The following STK39 variants were observed in gnomAD, a reference collection of about 807,000 sequenced individuals.
STK39 encodes the protein STE20/SPS1-related proline-alanine-rich protein kinase.
A neutral mutation model predicts 77.8 loss-of-function variants in STK39; 20 were observed. The ratio of observed to expected loss-of-function variants is 0.26; its 90% CI spans 0.18 to 0.37. The LOEUF (loss-of-function observed/expected upper bound fraction) is 0.37, where lower values mean the gene tolerates loss of function less well. Ranked by LOEUF, STK39 falls within the 10% of genes least tolerant of loss-of-function variation. STK39 has a pLI of 1.00. For missense variants in STK39, 479 were observed against 656.5 expected, an observed-to-expected ratio of 0.73 and a Z score of 2.95; for synonymous variants, 246 against 234.1, an observed-to-expected ratio of 1.05 and a Z score of -0.47.
intron 10 of STK39, among the ~76,000 whole-genome samples, chr2:168,094,058 G>A (rs1388478372): frequency 6.6e-6 from 1 of 152,178 alleles, no homozygotes; most frequent in African/African-American, 2.4e-5. Context: ...GACAACTATA[G>A]GACCAAGTCC....
chr2:168,115,344 G>C (rs190132894), intron 10 of STK39, among the ~76,000 whole-genome samples: 1 of 152,340 alleles, frequency 6.6e-6, no homozygotes, highest in East Asian at 1.9e-4. Context: ...TGATGGACCT[G>C]AGACTCAGGC....
chr2:167,975,731 G>A (rs1050356504), intron 16 of STK39, among the ~76,000 whole-genome samples: 2 of 152,158 alleles, frequency 1.3e-5, no homozygotes, highest in Non-Finnish European at 2.9e-5. Context: ...GGAGAATGCC[G>A]CAAACCTGGG....
chr2:168,121,737 C>T (rs1687410856), intron 10 of STK39, among the ~76,000 whole-genome samples: 1 of 152,198 alleles, frequency 6.6e-6, no homozygotes, highest in Non-Finnish European at 1.5e-5. Context: ...CCACAATAAT[C>T]ATTCTCCTTA....
chr2:168,107,880 T>A (rs565589577), intron 10 of STK39, among the ~76,000 whole-genome samples: 1 of 152,320 alleles, frequency 6.6e-6, no homozygotes, highest in South Asian at 2.1e-4. Context: ...CAAGAATCAC[T>A]CACTTTATAC....
At chr2:168,112,874 G>C (rs915321187) in intron 10 of STK39, 1 of 152,176 alleles carries the variant, frequency 6.6e-6, no homozygotes, top group Non-Finnish European at 1.5e-5. Context: ...CAGCTGCCCT[G>C]AGGGATCAGG....
chr2:168,161,806 A>G lies in STK39; in HGVS notation c.609T>C (p.Asp203=), dbSNP rs1369482142. ...LKAGNILLGE[D]GSVQIADFGV... ...CTTTACCTGCTATTTGTACTGAACC[A>G]TCCTCACCCAGAAGAATATTACCAG... Residue 203 remains aspartate (D), a synonymous_variant, in exon 5 of 18, where the codon GAT becomes GAC. Coordinates refer to ENST00000355999, the MANE Select transcript of STK39 (RefSeq NM_013233.3). The G allele has an allele frequency of 6.2e-7, 1 of 1,610,470 alleles. No homozygotes were observed. The highest frequency in any genetic ancestry group is 1.1e-5 in the South Asian group (1 of 90,132).
chr2:167,996,357 C>T (rs546105590), intron 16 of STK39, among the ~76,000 whole-genome samples: 1 of 152,300 alleles, frequency 6.6e-6, no homozygotes, highest in Admixed American at 6.5e-5. Context: ...TTTGCAGACA[C>T]AACTCACTTT....
intron 2 of STK39, 97 bp from the exon 3 acceptor site, chr2:168,167,504 C>A: frequency 9.6e-7 from 1 of 1,044,594 alleles, no homozygotes; most frequent in South Asian, 1.4e-5. Context: ...AACTTTCCTA[C>A]TCGAAAGCCT....
intron 14 of STK39, among the ~76,000 whole-genome samples, chr2:168,020,179 A>G (rs888297421): frequency 6.6e-6 from 1 of 152,240 alleles, no homozygotes; most frequent in Non-Finnish European, 1.5e-5. Context: ...TTACTATATT[A>G]GAAATTAAAA....
chr2:168,163,946 T>C (rs1688637994), intron 3 of STK39, 66 bp from the exon 4 acceptor site: 3 of 1,548,588 alleles, frequency 1.9e-6, no homozygotes, highest in Non-Finnish European at 2.6e-6. Context: ...CAAGACTCCA[T>C]TATGTATAAA....
rs80128693 is a variant in STK39 at position 168,034,147 on chromosome 2, G to T, written c.1377-17052C>A. On this transcript the variant is annotated intron_variant, in intron 14 of 17. Coordinates refer to ENST00000355999, the MANE Select transcript of STK39 (RefSeq NM_013233.3). ...AACATACATAACAAGATTTGGGGGA[G>T]GCAGGCCCCTGCATGTCCTCAAGCG... is the stretch of plus-strand genomic sequence containing the variant. Among the ~76,000 whole-genome samples, 29 of 152,302 alleles carry T rather than the reference G, an allele frequency of 1.9e-4. No homozygotes were observed. In the East Asian group the frequency reaches 5.6e-3, roughly 29 times the overall value.
At chr2:168,062,768 A>T (rs1209381438) in intron 14 of STK39, among the ~76,000 whole-genome samples, 2 of 152,248 alleles carry the variant, frequency 1.3e-5, no homozygotes. Flanking sequence ...TCAGAAGAAC[A>T]TATGTATAAC....
chr2:168,095,628 T>TC (rs1437008044), intron 10 of STK39, among the ~76,000 whole-genome samples: 7 of 146,932 alleles, frequency 4.8e-5, no homozygotes, highest in African/African-American at 1.5e-4. Context: ...TCTTTCTTTT[T>TC]TTTTTTTTTT....
chr2:168,047,758 C>T (rs537396819), intron 14 of STK39, among the ~76,000 whole-genome samples: 1 of 152,316 alleles, frequency 6.6e-6, no homozygotes, highest in East Asian at 1.9e-4. Context: ...TGCTTTCTTA[C>T]CCAGGGCAGA....
intron 14 of STK39, among the ~76,000 whole-genome samples, chr2:168,021,036 T>C (rs563655546): frequency 2.0e-5 from 3 of 152,312 alleles, no homozygotes; most frequent in East Asian, 1.9e-4. Context: ...GGAAAGCAAG[T>C]ATTTATAATG....
chr2:168,013,318 C>T (rs938072693), intron 15 of STK39, among the ~76,000 whole-genome samples: 3 of 152,138 alleles, frequency 2.0e-5, no homozygotes. Flanking sequence ...GACAGGAGTT[C>T]GCAATCTCAT....
At chr2:168,154,032 A>G (rs1487468847) in intron 5 of STK39, among the ~76,000 whole-genome samples, 1 of 152,248 alleles carries the variant, frequency 6.6e-6, no homozygotes, top group South Asian at 2.1e-4. Context: ...GGAGACCACC[A>G]TAATAATCCA....
intron 1 of STK39, among the ~76,000 whole-genome samples, chr2:168,198,332 T>C (rs1464909588): frequency 2.0e-5 from 3 of 152,214 alleles, no homozygotes; most frequent in Non-Finnish European, 2.9e-5. Context: ...CCATAAACTA[T>C]TGCCTTTAGC....
chr2:168,108,754 A>G (rs750023248), intron 10 of STK39, among the ~76,000 whole-genome samples: 9 of 152,190 alleles, frequency 5.9e-5, no homozygotes, highest in Non-Finnish European at 1.2e-4. Context: ...GCATATTTCA[A>G]TTCATCTTGC....
Sources: allele counts gnomAD v4.1 joint callset (sites outside exome capture counted in the v4.1 genomes callset), GRCh38; gene constraint gnomAD v4.1.1; transcripts MANE v1.5; gene names NCBI Gene and HGNC (gene_info 2026-07-23, HGNC 2026-07-21).